Variants in AFAP1L2 observed in about 807,000 individuals in gnomAD.
The protein encoded by AFAP1L2 is actin filament-associated protein 1-like 2.
A neutral mutation model predicts 99.3 loss-of-function variants in AFAP1L2; 46 were observed. The observed-to-expected ratio is 0.46, with a 90% CI of 0.37 to 0.59. The LOEUF (loss-of-function observed/expected upper bound fraction) is 0.59, where lower values mean the gene tolerates loss of function less well. Ranked by LOEUF, AFAP1L2 falls within the 20% of genes least tolerant of loss-of-function variation. AFAP1L2 has a pLI of 0.00. For missense variants in AFAP1L2, 959 were observed against 1,034.9 expected (o/e 0.93, Z 1.01); for synonymous variants, 397 against 419.1 (o/e 0.95, Z 0.64).
Position 114,299,268 on chromosome 10 carries a change from T to G in AFAP1L2, c.2105A>C (p.Lys702Thr). 6.2e-7 allele frequency: 1 copy of G among 1,614,206 alleles called. No homozygotes were observed. Among genetic ancestry groups the G allele is most frequent in the African/African-American group, 1.3e-5 (1 of 75,064 alleles). The stretch of plus-strand genomic sequence containing the variant: ...ACTGGGGGCCCCCTTACCTGTGCAT[T>G]TCAGTAGGGTTTCCTTTAGCTCCCG... ...EKRELKETLL[K>T]CTDKEVLASL... Residue 702 changes from lysine to threonine, a missense_variant, in exon 16 of 19, where the codon AAA becomes ACA. Physicochemically the swap from Lys to Thr is moderately conservative, Grantham distance 78 (BLOSUM62 -1). Transcript: ENST00000304129.
chr10:114,312,730 A>C (rs965391095), intron 7 of AFAP1L2, among the ~76,000 whole-genome samples: 2 of 152,194 alleles, frequency 1.3e-5, no homozygotes, highest in African/African-American at 4.8e-5. Flanking sequence ...ACCCCACCCT[A>C]CATGGAGATC....
intron 1 of AFAP1L2, among the ~76,000 whole-genome samples, chr10:114,369,607 A>C (rs1051129639): frequency 2.6e-5 from 4 of 151,832 alleles, no homozygotes; most frequent in Non-Finnish European, 2.9e-5. Flanking sequence ...AAAAAAAAAA[A>C]AAAAAAAACT....
At chr10:114,371,875 G>C (rs1034803160) in intron 1 of AFAP1L2, among the ~76,000 whole-genome samples, 6 of 145,536 alleles carry the variant, frequency 4.1e-5, no homozygotes, top group African/African-American at 1.5e-4. Context: ...GGGTGGCGGG[G>C]GAAAGTCCCT....
the AFAP1L2 span, chr10:114,282,715 G>A: frequency 1.5e-6 from 1 of 689,052 alleles, no homozygotes; most frequent in Non-Finnish European, 2.6e-6. Flanking sequence ...GGGGGCAGAG[G>A]AGAGTGTGCT....
chr10:114,290,041 T>C, downstream of AFAP1L2: 1 of 542,738 alleles, frequency 1.8e-6, no homozygotes, highest in Non-Finnish European at 3.1e-6. Flanking sequence ...GTCTGAGCAA[T>C]GGACTCTCCA....
chr10:114,371,813 A>T (rs1010763198), intron 1 of AFAP1L2, among the ~76,000 whole-genome samples: 4 of 149,666 alleles, frequency 2.7e-5, no homozygotes, highest in African/African-American at 9.9e-5. Flanking sequence ...GTACAATTAT[A>T]AAAAAAATAA....
chr10:114,382,206 C>A (rs1590750227), intron 1 of AFAP1L2, among the ~76,000 whole-genome samples: 2 of 152,176 alleles, frequency 1.3e-5, no homozygotes, highest in East Asian at 3.8e-4. Context: ...AAATAACCTA[C>A]ATGCAAGGCA....
chr10:114,302,247 T>C (rs2041327310), intron 12 of AFAP1L2, 92 bp downstream of exon 12: 1 of 1,544,814 alleles, frequency 6.5e-7, no homozygotes, highest in Non-Finnish European at 8.9e-7. Context: ...TGGGACCCTG[T>C]GCTCCCTGCT....
At chr10:114,316,123 G>A (rs189469262) in intron 5 of AFAP1L2, among the ~76,000 whole-genome samples, 6 of 152,278 alleles carry the variant, frequency 3.9e-5, no homozygotes, top group Admixed American at 3.3e-4. Flanking sequence ...TCTCCTACTC[G>A]GGGCCTCTAA....
intron 4 of AFAP1L2, among the ~76,000 whole-genome samples, chr10:114,328,290 T>G (rs2046702320): frequency 6.6e-6 from 1 of 152,152 alleles, no homozygotes; most frequent in African/African-American, 2.4e-5. Context: ...CCCGAGCCTG[T>G]GACCGAGGCA....
chr10:114,342,248 A>G (rs1476651714), intron 1 of AFAP1L2, among the ~76,000 whole-genome samples: 2 of 152,112 alleles, frequency 1.3e-5, no homozygotes, highest in East Asian at 3.9e-4. Context: ...TGGTCATCCA[A>G]CACTCCTAGT....
intron 1 of AFAP1L2, among the ~76,000 whole-genome samples, chr10:114,403,533 T>C (rs887946930): frequency 1.3e-5 from 2 of 152,142 alleles, no homozygotes; most frequent in African/African-American, 4.8e-5. Flanking sequence ...GGCAAGAGGC[T>C]TTTCCAAAGG....
At chr10:114,290,367 T>C (rs1359580096), downstream of AFAP1L2, 3 of 1,550,300 alleles carry the variant, frequency 1.9e-6, no homozygotes, top group African/African-American at 4.1e-5. Context: ...GCGAGAACCG[T>C]GAGTGGAGCT....
Position 114,331,898 on chromosome 10 carries a change from C to T in AFAP1L2, c.221-1G>A. The stretch of plus-strand genomic sequence containing the variant: ...GGTAGCAGGCCCTGCTCCTCAGGCG[C>T]TGCGGGCAGCAAAAGGAAAAGGCTT... On this transcript the variant is annotated splice_acceptor_variant, in intron 3 of 18. Coordinates refer to ENST00000304129, the MANE Select transcript of AFAP1L2 (RefSeq NM_001001936.3). LOFTEE classifies it high-confidence loss of function. 7.7e-7 allele frequency: 1 copy of T among 1,300,028 alleles called. No homozygotes were observed. Among genetic ancestry groups the T allele is most frequent in the Non-Finnish European group, 9.9e-7 (1 of 1,014,866 alleles). The allele number at this position is 1,300,028 out of a possible 1,614,324, so 80.5% of individuals were successfully genotyped here. A position where few individuals can be genotyped will look rare whatever the true frequency, so the allele number is the denominator to read the frequency against.
At chr10:114,330,201 T>C (rs906655187) in intron 4 of AFAP1L2, among the ~76,000 whole-genome samples, 2 of 152,114 alleles carry the variant, frequency 1.3e-5, no homozygotes, top group African/African-American at 2.4e-5. Context: ...CTGTGGCCCC[T>C]TCCCCCCAGG....
intron 3 of AFAP1L2, among the ~76,000 whole-genome samples, chr10:114,332,817 T>C (rs944210914): frequency 6.6e-6 from 1 of 152,232 alleles, no homozygotes; most frequent in African/African-American, 2.4e-5. Context: ...TCTTTGACTA[T>C]TAAGGCAGTT....
chr10:114,391,076 A>G (rs1437048207), intron 1 of AFAP1L2, among the ~76,000 whole-genome samples: 1 of 151,786 alleles, frequency 6.6e-6, no homozygotes, highest in Non-Finnish European at 1.5e-5. Context: ...GACATTGTAA[A>G]TCTCTCTCTC....
chr10:114,323,021 T>G, intron 5 of AFAP1L2, 150 bp downstream of exon 5: 1 of 700,734 alleles, frequency 1.4e-6, no homozygotes. Context: ...AGTTCTCAAT[T>G]TGGACCATGC....
At chr10:114,388,698 AT>A (rs1193144292) in intron 1 of AFAP1L2, among the ~76,000 whole-genome samples, 15 of 152,336 alleles carry the variant, frequency 9.8e-5, no homozygotes, top group Non-Finnish European at 1.5e-4. Flanking sequence ...ATATTCTCCC[AT>A]TTAAAGGGGC....
Sources: gnomAD v4.1 joint callset for allele counts (sites outside exome capture counted in the v4.1 genomes callset) on GRCh38, gnomAD v4.1.1 for gene constraint, MANE v1.5 for transcripts, NCBI Gene and HGNC (gene_info 2026-07-23, HGNC 2026-07-21) for gene names.